Variants in GABBR2 observed in about 807,000 individuals in gnomAD.
The protein encoded by GABBR2 is G-protein coupled receptor 51.
Under a neutral mutation model 105.6 loss-of-function variants are expected in GABBR2, and 23 were observed. That is an observed-to-expected ratio of 0.22 (90% CI 0.16 to 0.31). The LOEUF is 0.31. Among genes scored for constraint, GABBR2 ranks in the 10% least tolerant of loss-of-function variants. GABBR2 has a pLI of 1.00. For synonymous variants in GABBR2, 478 were observed against 499.7 expected, an observed-to-expected ratio of 0.96 and a Z score of 0.58; for missense variants, 734 against 1,245.5, an observed-to-expected ratio of 0.59 and a Z score of 6.18.
At chr9:98,677,737 T>C (rs1830493924) in intron 1 of GABBR2, among the ~76,000 whole-genome samples, 1 of 152,072 alleles carries the variant, frequency 6.6e-6, no homozygotes, top group Non-Finnish European at 1.5e-5. Context: ...GCCCTCTTAT[T>C]GTTCTCAAAC....
intron 3 of GABBR2, among the ~76,000 whole-genome samples, chr9:98,514,697 C>A (rs1316895393): frequency 6.7e-6 from 1 of 149,622 alleles, no homozygotes; most frequent in African/African-American, 2.5e-5. Flanking sequence ...ATACCTAATG[C>A]TAAATGACGA....
At chr9:98,576,670 T>C (rs1682755266) in intron 2 of GABBR2, among the ~76,000 whole-genome samples, 2 of 152,188 alleles carry the variant, frequency 1.3e-5, no homozygotes, top group African/African-American at 4.8e-5. Context: ...AGAGTGGATT[T>C]AAAAATTAAA....
At chr9:98,538,650 G>GCTC in intron 3 of GABBR2, 3 of 968,120 alleles carry the variant, frequency 3.1e-6, no homozygotes, top group Non-Finnish European at 3.7e-6. Flanking sequence ...ACAGTAATAA[G>GCTC]CTCCGTGGGA....
At chr9:98,478,447 C>A (rs1826840074) in intron 5 of GABBR2, among the ~76,000 whole-genome samples, 1 of 152,120 alleles carries the variant, frequency 6.6e-6, no homozygotes, top group South Asian at 2.1e-4. Context: ...TCTGGGGACC[C>A]AACACATGGA....
rs998099530 is a variant in GABBR2, at chr9:98,586,345, G to C, written c.322-8273C>G. Among the ~76,000 whole-genome samples the C allele has an allele frequency of 2.0e-5, 3 of 149,078 alleles. No homozygotes were observed. The Admixed American group carries it at 2.0e-4, about 10-fold the overall frequency. On this transcript the variant is annotated intron_variant, in intron 1 of 18. Coordinates refer to ENST00000259455, the MANE Select transcript of GABBR2 (RefSeq NM_005458.8). ...GACAGACTCTCAGTCTGTCACCTAG[G>C]TTGGAGTGCAATGGCATGATCTTGG... is the stretch of plus-strand genomic sequence containing the variant.
At chr9:98,423,590 G>A (rs1832822878) in intron 7 of GABBR2, among the ~76,000 whole-genome samples, 1 of 152,188 alleles carries the variant, frequency 6.6e-6, no homozygotes, top group Non-Finnish European at 1.5e-5. Context: ...CTTTTGCTGT[G>A]CAGAAGCACT....
At chr9:98,631,722 A>T (rs1224907420) in intron 1 of GABBR2, among the ~76,000 whole-genome samples, 1 of 152,268 alleles carries the variant, frequency 6.6e-6, no homozygotes, top group African/African-American at 2.4e-5. Context: ...CTTTAAACTT[A>T]TGTATGGCTT....
chr9:98,505,287 C>T (rs1377212753), intron 3 of GABBR2, among the ~76,000 whole-genome samples: 1 of 152,164 alleles, frequency 6.6e-6, no homozygotes, highest in African/African-American at 2.4e-5. Flanking sequence ...CGCTCTTAAT[C>T]ATCTGTAACC....
chr9:98,470,373 C>T (rs1826646922), intron 6 of GABBR2, among the ~76,000 whole-genome samples: 1 of 152,194 alleles, frequency 6.6e-6, no homozygotes, highest in Admixed American at 6.5e-5. Context: ...AGGCACATCT[C>T]ACATGGTGGC....
At chr9:98,684,243 G>A (rs527900505) in intron 1 of GABBR2, among the ~76,000 whole-genome samples, 97 of 146,588 alleles carry the variant, frequency 6.6e-4, no homozygotes, top group Non-Finnish European at 1.2e-3. Flanking sequence ...ATGATCTGAA[G>A]TCTATTTTTT....
chr9:98,369,198 G>A (rs1181427383), intron 12 of GABBR2, among the ~76,000 whole-genome samples: 4 of 152,202 alleles, frequency 2.6e-5, no homozygotes, highest in African/African-American at 4.8e-5. Context: ...AAATGCTGCC[G>A]GGGCCCAGAG....
At position 98,592,612 on chromosome 9, in the gene GABBR2, C is replaced by T. The variant is rs182856467; in HGVS notation, c.322-14540G>A. On this transcript the variant is annotated intron_variant, in intron 1 of 18. Coordinates refer to ENST00000259455, the MANE Select transcript of GABBR2 (RefSeq NM_005458.8). ...AAACCTTATGCTCTTAGAAATAAGGCCATCTCTTTAGAGCTGGCCAGAGAT... is the reference window on the plus strand; with the variant it reads ...AAACCTTATGCTCTTAGAAATAAGGTCATCTCTTTAGAGCTGGCCAGAGAT... Among the ~76,000 whole-genome samples, 138 of 152,300 alleles carry T rather than the reference C, an allele frequency of 9.1e-4. 2 individuals carry two copies. The highest frequency in any genetic ancestry group is 2.6e-3 in the African/African-American group (108 of 41,552).
intron 1 of GABBR2, among the ~76,000 whole-genome samples, chr9:98,619,412 T>A (rs139644058): frequency 6.6e-6 from 1 of 152,320 alleles, no homozygotes; most frequent in African/African-American, 2.4e-5. Flanking sequence ...AAGAGAGATT[T>A]GCAGGCAGGT....
intron 15 of GABBR2, 137 bp downstream of exon 15, chr9:98,305,984 T>A (rs1287550929): frequency 9.1e-6 from 6 of 656,718 alleles, no homozygotes; most frequent in Admixed American, 2.9e-5. Context: ...ATTTTCTGAA[T>A]TTTCTATAAT....
At chr9:98,519,706 G>A (rs934720388) in intron 3 of GABBR2, among the ~76,000 whole-genome samples, 1 of 136,118 alleles carries the variant, frequency 7.3e-6, no homozygotes, top group African/African-American at 2.7e-5. Context: ...CTAGGAGCCG[G>A]CAACTTTTTT....
intron 3 of GABBR2, among the ~76,000 whole-genome samples, chr9:98,531,675 G>A (rs1252782581): frequency 6.6e-6 from 1 of 152,228 alleles, no homozygotes; most frequent in Non-Finnish European, 1.5e-5. Context: ...TTCCCACAGG[G>A]AACATTCACA....
intron 1 of GABBR2, among the ~76,000 whole-genome samples, chr9:98,611,545 A>G (rs1355951058): frequency 6.6e-6 from 1 of 152,220 alleles, no homozygotes; most frequent in Non-Finnish European, 1.5e-5. Context: ...CAAGGTATGT[A>G]AACCCAAGCC....
chr9:98,421,106 G>C (rs186765353), intron 7 of GABBR2, among the ~76,000 whole-genome samples: 13 of 152,342 alleles, frequency 8.5e-5, no homozygotes, highest in African/African-American at 2.9e-4. Context: ...GGGTACTAGA[G>C]TGAACTCGCA....
chr9:98,569,776 C>T (rs745636705), intron 2 of GABBR2, among the ~76,000 whole-genome samples: 19 of 152,304 alleles, frequency 1.2e-4, no homozygotes, highest in East Asian at 1.9e-4. Context: ...TAAGCCTCTA[C>T]GACCTCTGCC....
Sources: allele counts gnomAD v4.1 joint callset (sites outside exome capture counted in the v4.1 genomes callset), GRCh38; gene constraint gnomAD v4.1.1; transcripts MANE v1.5; gene names NCBI Gene and HGNC (gene_info 2026-07-23, HGNC 2026-07-21).